Variants in COPS8 observed in about 807,000 individuals in gnomAD.
The protein encoded by COPS8 is COP9 signalosome subunit 8.
Under a neutral mutation model 31.5 loss-of-function variants are expected in COPS8, and 11 were observed. The observed-to-expected ratio is 0.35, with a 90% CI of 0.22 to 0.58. The LOEUF is 0.58. COPS8 is among the 20% of genes least tolerant of loss of function. COPS8 has a pLI of 0.83. For missense variants in COPS8, 215 were observed against 255.1 expected (o/e 0.84, Z 1.07); for synonymous variants, 81 against 89.3 (o/e 0.91, Z 0.52).
intron 6 of COPS8, among the ~76,000 whole-genome samples, chr2:237,096,254 C>T (rs1465717938): frequency 1.3e-5 from 2 of 152,092 alleles, no homozygotes; most frequent in African/African-American, 4.8e-5. Context: ...TTTCTGTTTG[C>T]ACTCAAGTCA....
chr2:237,096,355 T>G (rs896421796), intron 6 of COPS8, among the ~76,000 whole-genome samples: 5 of 152,136 alleles, frequency 3.3e-5, no homozygotes, highest in African/African-American at 1.2e-4. Flanking sequence ...CTGCCCTCAT[T>G]GTCTTTATCT....
rs1696832532 is a variant in COPS8 at position 237,097,813 on chromosome 2, T to C, written c.*71T>C. On this transcript the variant is annotated 3_prime_UTR_variant, in exon 8 of 8. Transcript: ENST00000354371. ...GACAAACGTAGAAATGTAAAGTTTG[T>C]ATTTTCAATTTATTGGATGGCTTAA... The C allele has an allele frequency of 8.5e-7, 1 of 1,170,002 alleles. No individual in the cohort carries two copies. Among genetic ancestry groups the C allele is most frequent in the Non-Finnish European group, 1.3e-6 (1 of 794,936 alleles). 72.5% of individuals were successfully genotyped at this position (1,170,002 alleles called of 1,614,324 possible). A position where few individuals can be genotyped will look rare whatever the true frequency, so the allele number is the denominator to read the frequency against.
chr2:237,095,320 C>T (rs1188726672), intron 5 of COPS8, among the ~76,000 whole-genome samples: 1 of 152,172 alleles, frequency 6.6e-6, no homozygotes, highest in Non-Finnish European at 1.5e-5. Flanking sequence ...GAATTTCCCT[C>T]AACTTTATTT....
At chr2:237,094,880 C>T (rs570770910) in intron 5 of COPS8, among the ~76,000 whole-genome samples, 2 of 152,236 alleles carry the variant, frequency 1.3e-5, no homozygotes, top group East Asian at 1.9e-4. Context: ...GCAGGAGAAT[C>T]GCATGAATCC....
Position 237,097,890 on chromosome 2 carries a change from T to A in COPS8, c.*148T>A. ...TAAAATACATATAGAATATAAGATATACTATATACATTTTGTCCATAAACG... is the reference window on the plus strand; with the variant it reads ...TAAAATACATATAGAATATAAGATAAACTATATACATTTTGTCCATAAACG... On this transcript the variant is annotated 3_prime_UTR_variant, in exon 8 of 8. Coordinates refer to ENST00000354371, the MANE Select transcript of COPS8 (RefSeq NM_006710.5). 1.8e-6 allele frequency: 1 copy of A among 556,602 alleles called. No individual in the cohort carries two copies. The highest frequency in any genetic ancestry group is 3.2e-6 in the Non-Finnish European group (1 of 314,986). 34.5% of individuals were successfully genotyped at this position (556,602 alleles called of 1,614,324 possible). A position where few individuals can be genotyped will look rare whatever the true frequency, so the allele number is the denominator to read the frequency against.
At chr2:237,088,128 T>A (rs1696651659) in intron 2 of COPS8, among the ~76,000 whole-genome samples, 1 of 152,160 alleles carries the variant, frequency 6.6e-6, no homozygotes, top group Non-Finnish European at 1.5e-5. Flanking sequence ...TCATTATATG[T>A]TTGTTGTAGT....
At chr2:237,089,096 G>T (rs1696665269) in intron 3 of COPS8, among the ~76,000 whole-genome samples, 1 of 152,122 alleles carries the variant, frequency 6.6e-6, no homozygotes, top group African/African-American at 2.4e-5. Flanking sequence ...TCTTATTTTG[G>T]TTGGGAGATT....
chr2:237,088,070 A>G (rs1200883906), intron 2 of COPS8, among the ~76,000 whole-genome samples: 1 of 151,912 alleles, frequency 6.6e-6, no homozygotes, highest in Non-Finnish European at 1.5e-5. Context: ...CTAAATTGAA[A>G]TTTTTATTAC....
At chr2:237,086,336 C>T (rs1574834798) in intron 1 of COPS8, among the ~76,000 whole-genome samples, 1 of 152,132 alleles carries the variant, frequency 6.6e-6, no homozygotes, top group African/African-American at 2.4e-5. Context: ...ATCTTTCCTT[C>T]CCAGTATCGG....
At chr2:237,096,157 T>C (rs984888442) in intron 6 of COPS8, among the ~76,000 whole-genome samples, 1 of 152,226 alleles carries the variant, frequency 6.6e-6, no homozygotes, top group Non-Finnish European at 1.5e-5. Context: ...CATCCTTTTA[T>C]GGAGCCATTT....
At chr2:237,089,518 A>G (rs1017271417) in intron 3 of COPS8, among the ~76,000 whole-genome samples, 1 of 152,338 alleles carries the variant, frequency 6.6e-6, no homozygotes, top group African/African-American at 2.4e-5. Context: ...TAATATATCT[A>G]TGAAATACAA....
chr2:237,097,224 CTT>C (rs996251270), intron 7 of COPS8, among the ~76,000 whole-genome samples: 7 of 95,986 alleles, frequency 7.3e-5, no homozygotes, highest in African/African-American at 1.1e-4. Context: ...TGTGGGTTTT[CTT>C]TTTTTTTTTT....
intron 4 of COPS8, among the ~76,000 whole-genome samples, chr2:237,090,232 AG>A (rs1288800850): frequency 7.9e-5 from 12 of 152,214 alleles, no homozygotes; most frequent in African/African-American, 2.9e-4. Context: ...ATTGCTCGTC[AG>A]TTTTAAGAGT....
chr2:237,097,852 C>G lies in COPS8; in HGVS notation c.*110C>G. Reference sequence around the variant, plus strand: ...TGGATGGCTTAAGCACCTCAGCATTCCTTACTATGTGATAAAATACATATA... The same window carrying G: ...TGGATGGCTTAAGCACCTCAGCATTGCTTACTATGTGATAAAATACATATA... On this transcript the variant is annotated 3_prime_UTR_variant, in exon 8 of 8. Coordinates refer to ENST00000354371, the MANE Select transcript of COPS8 (RefSeq NM_006710.5). The G allele has an allele frequency of 1.4e-6, 1 of 691,166 alleles. No homozygotes were observed. The highest frequency in any genetic ancestry group is 2.5e-6 in the Non-Finnish European group (1 of 401,940). The allele number at this position is 691,166 out of a possible 1,614,324, so 42.8% of individuals were successfully genotyped here. A position where few individuals can be genotyped will look rare whatever the true frequency, so the allele number is the denominator to read the frequency against.
At chr2:237,090,092 A>G in intron 4 of COPS8, 98 bp downstream of exon 4, 1 of 1,189,106 alleles carries the variant, frequency 8.4e-7, no homozygotes, top group Non-Finnish European at 1.1e-6. Flanking sequence ...GTTTAAGTAG[A>G]TATTTTTGAT....
chr2:237,093,656 C>T, intron 4 of COPS8: 1 of 981,660 alleles, frequency 1.0e-6, no homozygotes, highest in Non-Finnish European at 1.2e-6. Flanking sequence ...TGTTCTGTAA[C>T]TCCCAGGTGT....
intron 4 of COPS8, among the ~76,000 whole-genome samples, chr2:237,091,050 C>A (rs1696697834): frequency 1.3e-5 from 2 of 152,192 alleles, no homozygotes; most frequent in South Asian, 4.1e-4. Flanking sequence ...CGGTCACAGG[C>A]CATGTGCCTT....
In COPS8 at chr2:237,085,918, T is replaced by G; in HGVS notation, c.-47T>G. The G allele has an allele frequency of 6.3e-7, 1 of 1,575,390 alleles. No homozygotes were observed. The highest frequency in any genetic ancestry group is 8.7e-7 in the Non-Finnish European group (1 of 1,152,658). Reference sequence around the variant, plus strand: ...CGGGCGCGACGCCTGAGGGACAGTCTGGGGTTTGGCTGTCCGGACGGTGCA... The same window carrying G: ...CGGGCGCGACGCCTGAGGGACAGTCGGGGGTTTGGCTGTCCGGACGGTGCA... On this transcript the variant is annotated 5_prime_UTR_variant, in exon 1 of 8. Transcript: ENST00000354371.
Position 237,085,975 on chromosome 2 carries a change from C to T in COPS8, c.11C>T (p.Ala4Val), listed in dbSNP as rs1050649170. MPV[A>V]VMAESAFSFK... is the part of the protein sequence containing the mutation. Reference sequence around the variant, plus strand: ...AGGCCGGCCGCGAAGATGCCAGTGGCGGTGATGGCGGAAAGCGCCTTTAGT... The same window carrying T: ...AGGCCGGCCGCGAAGATGCCAGTGGTGGTGATGGCGGAAAGCGCCTTTAGT... The change falls in exon 1 of 8, where the codon GCG becomes GTG. Residue 4 changes from alanine to valine, a missense_variant. Transcript: ENST00000354371. 3.1e-6 allele frequency: 5 copies of T among 1,611,394 alleles called. No individual in the cohort carries two copies. The highest frequency in any genetic ancestry group is 1.7e-5 in the Admixed American group (1 of 59,914).
Sources: gnomAD v4.1 joint callset for allele counts (sites outside exome capture counted in the v4.1 genomes callset) on GRCh38, gnomAD v4.1.1 for gene constraint, MANE v1.5 for transcripts, NCBI Gene and HGNC (gene_info 2026-07-23, HGNC 2026-07-21) for gene names.